CSMD3: variants seen among roughly 807,000 people sequenced by gnomAD.
CSMD3 encodes the protein CUB and Sushi multiple domains 3.
Under a neutral mutation model 435.2 loss-of-function variants are expected in CSMD3, and 177 were observed. The observed-to-expected ratio is 0.41, with a 90% confidence interval of 0.36 to 0.46. The LOEUF (loss-of-function observed/expected upper bound fraction) is 0.46. Ranked by LOEUF, CSMD3 falls within the 20% of genes least tolerant of loss-of-function variation. The probability of loss-of-function intolerance (pLI) is 0.34; values close to 1 mark genes in which losing one functional copy is unlikely to be tolerated. For synonymous variants in CSMD3, 1,656 were observed against 1,520.5 expected (o/e 1.09, Z -2.07); for missense variants, 4,265 against 4,504.6 (o/e 0.95, Z 1.52).
chr8:113,197,476 A>T (rs73346375), intron 3 of CSMD3, among the ~76,000 whole-genome samples: 3,717 of 151,284 alleles, frequency 0.025, 165 homozygotes, highest in African/African-American at 0.085. Flanking sequence ...ATTTGTGAAG[A>T]GTTAAGCCAT....
chr8:113,376,614 A>C, intron 1 of CSMD3: 1 of 1,081,174 alleles, frequency 9.2e-7, no homozygotes, highest in Non-Finnish European at 1.4e-6. Flanking sequence ...AATCCTCATC[A>C]AAAGAAAGTT....
At chr8:112,722,783 C>T (rs1007415806) in intron 13 of CSMD3, among the ~76,000 whole-genome samples, 5 of 152,016 alleles carry the variant, frequency 3.3e-5, no homozygotes, top group African/African-American at 1.2e-4. Flanking sequence ...TCACGAGCTA[C>T]AGAAAATAAT....
At chr8:112,764,040 A>G (rs1205729728) in intron 13 of CSMD3, among the ~76,000 whole-genome samples, 1 of 151,576 alleles carries the variant, frequency 6.6e-6, no homozygotes, top group East Asian at 1.9e-4. Context: ...CCAACATAAT[A>G]TCTTACTTTT....
chr8:112,577,030 A>G (rs527462233), intron 23 of CSMD3, among the ~76,000 whole-genome samples: 4 of 152,226 alleles, frequency 2.6e-5, no homozygotes, highest in African/African-American at 7.2e-5. Context: ...GTCAAAAGGT[A>G]GAAAACAAAT....
chr8:113,153,130 A>AGAAGGAAGTAAG (rs2091859837), intron 4 of CSMD3, among the ~76,000 whole-genome samples: 1 of 82,736 alleles, frequency 1.2e-5, no homozygotes. Context: ...AGAAAGAGAA[A>AGAAGGAAGTAAG]GAAGGAAGGA....
intron 3 of CSMD3, among the ~76,000 whole-genome samples, chr8:113,212,670 T>C (rs7838522): frequency 0.67 from 102,013 of 151,202 alleles, 36,324 homozygotes; most frequent in East Asian, 0.96. Flanking sequence ...TTCTCACTCA[T>C]AGGTGGGAAT....
Position 113,138,825 on chromosome 8 carries a change from G to GTGTGTGTGTGTC in CSMD3, c.709+34896_709+34897insGACACACACACA, listed in dbSNP as rs1379585077. Among the ~76,000 whole-genome samples, 1,137 of 150,880 alleles carry GTGTGTGTGTGTC rather than the reference G, an allele frequency of 7.5e-3. 19 individuals are homozygous for GTGTGTGTGTGTC. The highest frequency in any genetic ancestry group is 0.026 in the African/African-American group (1,067 of 41,248). On this transcript the variant is annotated intron_variant, in intron 4 of 70. Coordinates refer to ENST00000297405, the MANE Select transcript of CSMD3 (RefSeq NM_198123.2). ...TAAACGTGTTAGTGTGTGTGTGTGT[G>GTGTGTGTGTGTC]TGTGTGTGTGTGTCTGTATATGTCA...
At chr8:113,041,303 T>C (rs1178845918) in intron 5 of CSMD3, among the ~76,000 whole-genome samples, 1 of 151,378 alleles carries the variant, frequency 6.6e-6, no homozygotes, top group African/African-American at 2.4e-5. Flanking sequence ...CTCTGTACAT[T>C]AGGGGTGGGG....
At chr8:112,564,807 G>C (rs1400224401) in intron 24 of CSMD3, among the ~76,000 whole-genome samples, 1 of 152,074 alleles carries the variant, frequency 6.6e-6, no homozygotes, top group Non-Finnish European at 1.5e-5. Context: ...GGTCAGAAAT[G>C]CTACTGATTA....
At chr8:112,882,393 T>C (rs1396496218) in intron 10 of CSMD3, among the ~76,000 whole-genome samples, 1 of 151,986 alleles carries the variant, frequency 6.6e-6, no homozygotes, top group African/African-American at 2.4e-5. Context: ...GCAGATTTAC[T>C]GAGCATGACA....
At chr8:112,448,258 T>A (rs1815848478) in intron 32 of CSMD3, among the ~76,000 whole-genome samples, 1 of 152,142 alleles carries the variant, frequency 6.6e-6, no homozygotes, top group Non-Finnish European at 1.5e-5. Flanking sequence ...CCAGTTCTAT[T>A]GGATCAGGGC....
At chr8:112,829,919 A>G in intron 11 of CSMD3, 130 bp from the exon 12 acceptor site, 6 of 447,306 alleles carry the variant, frequency 1.3e-5, no homozygotes, top group East Asian at 3.3e-5. Flanking sequence ...ACACACACAC[A>G]CACACACAAG....
intron 5 of CSMD3, among the ~76,000 whole-genome samples, chr8:113,072,392 T>C (rs2089164288): frequency 6.6e-6 from 1 of 151,732 alleles, no homozygotes; most frequent in Non-Finnish European, 1.5e-5. Context: ...GTTCACTGTG[T>C]TTTTTTCATT....
At chr8:112,286,626 T>C (rs1287326626) in intron 58 of CSMD3, among the ~76,000 whole-genome samples, 1 of 152,102 alleles carries the variant, frequency 6.6e-6, no homozygotes, top group Non-Finnish European at 1.5e-5. Flanking sequence ...TTTAATCTCC[T>C]ACTGTGCATA....
intron 59 of CSMD3, among the ~76,000 whole-genome samples, chr8:112,269,691 G>A (rs1287713630): frequency 6.6e-6 from 1 of 152,116 alleles, no homozygotes; most frequent in Non-Finnish European, 1.5e-5. Context: ...ACAAAAAAAT[G>A]TAATTTTGAA....
At chr8:113,183,900 CA>C (rs1695310089) in intron 3 of CSMD3, among the ~76,000 whole-genome samples, 1 of 151,990 alleles carries the variant, frequency 6.6e-6, no homozygotes, top group South Asian at 2.1e-4. Flanking sequence ...AGCAAGCAAT[CA>C]ATTTTTGCAG....
At chr8:112,325,096 C>T (rs562369769) in intron 45 of CSMD3, among the ~76,000 whole-genome samples, 69 of 152,108 alleles carry the variant, frequency 4.5e-4, no homozygotes, top group South Asian at 1.5e-3. Context: ...AATTCAAGTA[C>T]CACTGATAGG....
chr8:112,226,008 A>C (rs988228489), intron 70 of CSMD3, among the ~76,000 whole-genome samples: 7 of 152,160 alleles, frequency 4.6e-5, no homozygotes, highest in African/African-American at 1.2e-4. Flanking sequence ...ATATATCTTA[A>C]AATAAATTTG....
At chr8:113,151,908 G>A (rs1251300599) in intron 4 of CSMD3, among the ~76,000 whole-genome samples, 10 of 152,010 alleles carry the variant, frequency 6.6e-5, no homozygotes, top group Non-Finnish European at 1.5e-5. Flanking sequence ...AATATAACCA[G>A]ATGTGGCCAG....
Sources: gnomAD v4.1 joint callset for allele counts (sites outside exome capture counted in the v4.1 genomes callset) on GRCh38, gnomAD v4.1.1 for gene constraint, MANE v1.5 for transcripts, NCBI Gene and HGNC (gene_info 2026-07-23, HGNC 2026-07-21) for gene names.